The following SHANK2 variants were observed in gnomAD, a reference collection of about 807,000 sequenced individuals.
SHANK2 encodes SH3 and multiple ankyrin repeat domains 2, also known as SH3 and multiple ankyrin repeat domains protein 2.
A neutral mutation model predicts 133.7 loss-of-function variants in SHANK2; 43 were observed. That is an observed-to-expected ratio of 0.32 (90% confidence interval 0.25 to 0.41). SHANK2 has a LOEUF of 0.41. Ranked by LOEUF, SHANK2 falls within the 10% of genes least tolerant of loss-of-function variation. SHANK2 has a pLI of 1.00. For missense variants in SHANK2, 1,994 were observed against 2,235.8 expected, an observed-to-expected ratio of 0.89 and a Z score of 2.18; for synonymous variants, 1,017 against 952.8, an observed-to-expected ratio of 1.07 and a Z score of -1.24.
Position 71,175,554 on chromosome 11 carries a change from GAGAGAGA to G in SHANK2, c.-12-28223_-12-28217del, listed in dbSNP as rs1565496313. Among the ~76,000 whole-genome samples, 1 of 53,282 alleles carries G rather than the reference GAGAGAGA, an allele frequency of 1.9e-5. No individual in the cohort carries two copies. The allele number at this position is 53,282 out of a possible 152,430, so 35.0% of individuals were successfully genotyped here. A position where few individuals can be genotyped will look rare whatever the true frequency, so the allele number is the denominator to read the frequency against. ...ACAGACAGAGGGAGAGGGAGAGGGAGAGAGAGAGAGAGAGAGAGAGAGAGAGAGAGAG... is the reference window on the plus strand; with the variant it reads ...ACAGACAGAGGGAGAGGGAGAGGGAGGAGAGAGAGAGAGAGAGAGAGAGAG... On this transcript the variant is annotated intron_variant, in intron 2 of 25. Transcript: ENST00000601538. This position sits in a 1 kb window ranked among gnomAD's most constrained non-coding sequence, Gnocchi z 4.2.
In SHANK2 at chr11:70,508,457, C is replaced by T. The variant is rs547297980; in HGVS notation, c.2062-5526G>A. On this transcript the variant is annotated intron_variant, in intron 17 of 25. Transcript: ENST00000601538. ...TGTGTCCCCAGACACTTGTTCTGGA[C>T]TGAACTGTGTCCTGCCCAAATTTAT... Among the ~76,000 whole-genome samples, 8 of 152,364 alleles carry T rather than the reference C, an allele frequency of 5.3e-5. No homozygotes were observed. In the East Asian group the frequency reaches 1.5e-3, roughly 29 times the overall value.
intron 10 of SHANK2, 21 bp from the exon 11 acceptor site, chr11:70,896,588 TA>T (rs1949937978): frequency 1.4e-6 from 1 of 718,598 alleles, no homozygotes; most frequent in Non-Finnish European, 2.6e-6. Context: ...AAAATCACAT[TA>T]AGTTAAGTGT....
chr11:70,638,989 C>T (rs535604632), intron 17 of SHANK2, among the ~76,000 whole-genome samples: 1 of 151,772 alleles, frequency 6.6e-6, no homozygotes, highest in East Asian at 1.9e-4. Context: ...AAGAGTGAGA[C>T]TCCATCTCAA....
rs141964438 is a variant in SHANK2, at chr11:71,241,273, G to A, written c.-113+11152C>T. 2.1e-3 allele frequency among the ~76,000 whole-genome samples: 324 copies of A among 152,288 alleles called. 2 individuals carry two copies. The highest frequency in any genetic ancestry group is 7.2e-3 in the African/African-American group (300 of 41,554). Reference sequence around the variant, plus strand: ...AACAGGAAGAGAAAGAATAAAATGCGGTTAACCATTCCATAGAATGTATAA... The same window carrying A: ...AACAGGAAGAGAAAGAATAAAATGCAGTTAACCATTCCATAGAATGTATAA... On this transcript the variant is annotated intron_variant, in intron 1 of 25. Transcript: ENST00000601538.
intron 11 of SHANK2, among the ~76,000 whole-genome samples, chr11:70,876,277 CTT>C (rs1949562967): frequency 2.0e-5 from 3 of 148,500 alleles, no homozygotes; most frequent in South Asian, 4.3e-4. Context: ...CACACACACA[CTT>C]GGCTGGGTGC....
chr11:70,710,879 G>A (rs1355161161), intron 14 of SHANK2, among the ~76,000 whole-genome samples: 3 of 152,226 alleles, frequency 2.0e-5, no homozygotes, highest in Non-Finnish European at 1.5e-5. Flanking sequence ...CACGCCTGTG[G>A]TCACGGGTTC....
intron 21 of SHANK2, among the ~76,000 whole-genome samples, chr11:70,495,343 C>T (rs7130970): frequency 1.3e-5 from 2 of 152,284 alleles, no homozygotes; most frequent in African/African-American, 2.4e-5. Context: ...GTTTCTGTGC[C>T]GGCCTCTGTT....
intron 2 of SHANK2, among the ~76,000 whole-genome samples, chr11:71,153,842 C>T (rs373205173): frequency 7.2e-5 from 11 of 151,982 alleles, no homozygotes; most frequent in African/African-American, 1.7e-4. Context: ...TGGTGGTGGG[C>T]GCCTGTAATC....
At chr11:70,622,949 G>A (rs1414438493) in intron 17 of SHANK2, among the ~76,000 whole-genome samples, 3 of 152,126 alleles carry the variant, frequency 2.0e-5, no homozygotes, top group Non-Finnish European at 4.4e-5. Context: ...GGCCGAGGCG[G>A]GTGGATCACC....
At chr11:70,707,427 G>T (rs1480871206) in intron 14 of SHANK2, among the ~76,000 whole-genome samples, 2 of 150,612 alleles carry the variant, frequency 1.3e-5, no homozygotes, top group East Asian at 3.9e-4. Context: ...TGAGAGGTGA[G>T]GACAGGGTCC....
At chr11:70,859,210 G>A (rs1386863250) in intron 11 of SHANK2, among the ~76,000 whole-genome samples, 1 of 152,024 alleles carries the variant, frequency 6.6e-6, no homozygotes, top group East Asian at 1.9e-4. Context: ...GGTGGATGAG[G>A]GTAAGTAGGC....
intron 10 of SHANK2, among the ~76,000 whole-genome samples, chr11:70,932,154 G>A (rs1401072196): frequency 6.6e-6 from 1 of 152,190 alleles, no homozygotes; most frequent in African/African-American, 2.4e-5. Flanking sequence ...TCTGGTTCTG[G>A]ACAAAAGTGT....
At chr11:70,645,939 C>T (rs115068454) in intron 17 of SHANK2, among the ~76,000 whole-genome samples, 2,848 of 152,306 alleles carry the variant, frequency 0.019, 95 homozygotes, top group African/African-American at 0.065. Context: ...ATCCTATGTT[C>T]ACCAAACCTC....
intron 3 of SHANK2, among the ~76,000 whole-genome samples, chr11:71,128,825 G>T (rs1239717064): frequency 1.3e-5 from 2 of 152,096 alleles, no homozygotes; most frequent in Admixed American, 1.3e-4. Flanking sequence ...TCACTCTTTC[G>T]CCAGGCTGGA....
intron 17 of SHANK2, among the ~76,000 whole-genome samples, chr11:70,599,704 A>G (rs573893790): frequency 4.3e-4 from 64 of 148,732 alleles, no homozygotes; most frequent in African/African-American, 1.6e-3. Context: ...AGGCAGGAGA[A>G]TTGTTTGAAC....
chr11:70,581,219 A>G (rs1302167992), intron 17 of SHANK2, among the ~76,000 whole-genome samples: 1 of 152,216 alleles, frequency 6.6e-6, no homozygotes, highest in African/African-American at 2.4e-5. Flanking sequence ...TAGTCACTGA[A>G]ATAAAACCAC....
chr11:70,834,317 C>T (rs1379027079), intron 11 of SHANK2, among the ~76,000 whole-genome samples: 1 of 152,244 alleles, frequency 6.6e-6, no homozygotes, highest in East Asian at 1.9e-4. Context: ...ACACAAAATA[C>T]ACAGGAGGTG....
chr11:71,077,266 C>CA (rs1386540653), intron 8 of SHANK2, among the ~76,000 whole-genome samples: 1 of 152,168 alleles, frequency 6.6e-6, no homozygotes, highest in Non-Finnish European at 1.5e-5. Context: ...TCAATAAAGA[C>CA]AACTAATGTT....
At chr11:71,098,755 T>C (rs35459123) in intron 6 of SHANK2, among the ~76,000 whole-genome samples, 11,872 of 152,172 alleles carry the variant, frequency 0.078, 575 homozygotes, top group Admixed American at 0.13. Context: ...AAGGGGCCGA[T>C]CTTGCAATGC....
Sources: allele counts gnomAD v4.1 joint callset (sites outside exome capture counted in the v4.1 genomes callset), GRCh38; gene constraint gnomAD v4.1.1; non-coding constraint Gnocchi (gnomAD v3.1); transcripts MANE v1.5; gene names NCBI Gene and HGNC (gene_info 2026-07-23, HGNC 2026-07-21).